RASGRF2: variants seen among roughly 807,000 people sequenced by gnomAD.
RASGRF2 encodes the protein ras-specific guanine nucleotide-releasing factor 2.
RASGRF2 carries 76 observed loss-of-function variants against 151.0 expected under a neutral mutation model. That is an observed-to-expected ratio of 0.50 (90% CI 0.42 to 0.61). The LOEUF (loss-of-function observed/expected upper bound fraction) is 0.61. RASGRF2 is among the 20% of genes least tolerant of loss of function. RASGRF2 has a pLI of 0.00. For synonymous variants in RASGRF2, 504 were observed against 566.5 expected, an observed-to-expected ratio of 0.89 and a Z score of 1.57; for missense variants, 1,148 against 1,564.6, an observed-to-expected ratio of 0.73 and a Z score of 4.49.
Position 81,212,349 on chromosome 5 carries a change from CT to C in RASGRF2, c.3157-12del, listed in dbSNP as rs1344134733. 3 of 1,572,226 alleles carry C rather than the reference CT, an allele frequency of 1.9e-6. No homozygotes were observed. The highest frequency in any genetic ancestry group is 2.6e-6 in the Non-Finnish European group (3 of 1,154,150). On this transcript the variant is annotated splice_polypyrimidine_tract_variant and intron_variant, in intron 22 of 26. Coordinates refer to ENST00000265080, the MANE Select transcript of RASGRF2 (RefSeq NM_006909.3). Reference sequence around the variant, plus strand: ...GGGGCTCTTAGACTGCCTTTCGGGGCTTTTTGATTGTCTCAGATGAGTAACC... The same window carrying C: ...GGGGCTCTTAGACTGCCTTTCGGGGCTTTTGATTGTCTCAGATGAGTAACC...
At chr5:81,067,892 G>A in intron 2 of RASGRF2, 140 bp from the exon 3 acceptor site, 1 of 639,580 alleles carries the variant, frequency 1.6e-6, no homozygotes. Flanking sequence ...TAAGCTGAAA[G>A]TTAACATTTA....
At chr5:80,998,984 C>A (rs532082355) in intron 1 of RASGRF2, among the ~76,000 whole-genome samples, 1 of 152,266 alleles carries the variant, frequency 6.6e-6, no homozygotes, top group East Asian at 1.9e-4. Flanking sequence ...GTCCCTGGGG[C>A]TTAGAGGAGT....
intron 2 of RASGRF2, among the ~76,000 whole-genome samples, chr5:81,050,406 T>C (rs1750973278): frequency 6.6e-6 from 1 of 152,184 alleles, no homozygotes; most frequent in African/African-American, 2.4e-5. Context: ...CAGTCCTCCA[T>C]GTTGCTTTAA....
chr5:81,140,939 T>C (rs1561228228), intron 17 of RASGRF2, among the ~76,000 whole-genome samples: 1 of 151,974 alleles, frequency 6.6e-6, no homozygotes, highest in Non-Finnish European at 1.5e-5. Context: ...CCCCTGCAGA[T>C]TGTTGCCATG....
At chr5:81,098,618 T>G (rs925188512) in intron 12 of RASGRF2, among the ~76,000 whole-genome samples, 1 of 152,192 alleles carries the variant, frequency 6.6e-6, no homozygotes, top group Non-Finnish European at 1.5e-5. Flanking sequence ...TGGTCACATG[T>G]CAACTGCTGC....
chr5:81,023,801 T>A (rs1215627430), intron 1 of RASGRF2, among the ~76,000 whole-genome samples: 1 of 152,200 alleles, frequency 6.6e-6, no homozygotes, highest in Non-Finnish European at 1.5e-5. Context: ...ATTAAGTGTT[T>A]CCTCTCCCCA....
At chr5:81,054,861 C>T (rs1009281272) in intron 2 of RASGRF2, among the ~76,000 whole-genome samples, 3 of 150,432 alleles carry the variant, frequency 2.0e-5, no homozygotes, top group Admixed American at 6.6e-5. Flanking sequence ...AAGTTGGATT[C>T]CTAGGTATTT....
chr5:81,186,659 A>G (rs1755033159), intron 18 of RASGRF2, among the ~76,000 whole-genome samples: 1 of 152,204 alleles, frequency 6.6e-6, no homozygotes, highest in African/African-American at 2.4e-5. Flanking sequence ...ACAAATAAAT[A>G]TAGTCTGAGG....
chr5:81,039,819 G>A (rs945362179), intron 1 of RASGRF2, among the ~76,000 whole-genome samples: 3 of 151,920 alleles, frequency 2.0e-5, no homozygotes, highest in Admixed American at 1.3e-4. Flanking sequence ...ATGTCTTTAT[G>A]CATTGCTTAC....
chr5:81,145,108 G>A (rs990366752), intron 17 of RASGRF2, among the ~76,000 whole-genome samples: 1 of 152,044 alleles, frequency 6.6e-6, no homozygotes, highest in Non-Finnish European at 1.5e-5. Context: ...TGGGTGTGGT[G>A]GCATACATCT....
At chr5:81,010,153 CAAA>C (rs10942939) in intron 1 of RASGRF2, among the ~76,000 whole-genome samples, 2 of 130,600 alleles carry the variant, frequency 1.5e-5, no homozygotes, top group African/African-American at 2.8e-5. Context: ...GATTTCATCT[CAAA>C]AAAAAAAAAA....
chr5:81,161,791 C>G (rs10073862), intron 17 of RASGRF2, among the ~76,000 whole-genome samples: 34,773 of 151,968 alleles, frequency 0.23, 3,997 homozygotes, highest in East Asian at 0.36. Flanking sequence ...TGTTAAAATC[C>G]TCATAATGAA....
chr5:81,084,082 AG>A lies in RASGRF2; in HGVS notation c.1162-1717del, dbSNP rs1311713332. 5.3e-5 allele frequency among the ~76,000 whole-genome samples: 8 copies of A among 152,334 alleles called. No homozygotes were observed. The East Asian group carries it at 1.3e-3, about 26-fold the overall frequency. The stretch of plus-strand genomic sequence containing the variant: ...TTTGTTCCTTCACCATAAGGCAGAA[AG>A]GGCCAGAGACTGAATTCAAATCCAT... On this transcript the variant is annotated intron_variant, in intron 7 of 26. Coordinates refer to ENST00000265080, the MANE Select transcript of RASGRF2 (RefSeq NM_006909.3).
intron 2 of RASGRF2, among the ~76,000 whole-genome samples, chr5:81,052,412 T>G (rs1751041122): frequency 6.6e-6 from 1 of 152,204 alleles, no homozygotes; most frequent in Admixed American, 6.5e-5. Context: ...GTGAAATGTT[T>G]AAGTAACGAA....
intron 1 of RASGRF2, among the ~76,000 whole-genome samples, chr5:81,031,953 A>T: frequency 6.6e-6 from 1 of 152,198 alleles, no homozygotes; most frequent in Non-Finnish European, 1.5e-5. Context: ...CACAATAAAA[A>T]ATGATAAAGG....
At position 81,229,686 on chromosome 5, in the gene RASGRF2, A is replaced by T. The variant is rs1224264117; in HGVS notation, c.*3916A>T. On this transcript the variant is annotated 3_prime_UTR_variant, in exon 27 of 27. Coordinates refer to ENST00000265080, the MANE Select transcript of RASGRF2 (RefSeq NM_006909.3). Reference sequence around the variant, plus strand: ...TTTTACACAGCTCATTTCATTTTTCACTAGAAAGCCAGTTATGAAAGAGAG... The same window carrying T: ...TTTTACACAGCTCATTTCATTTTTCTCTAGAAAGCCAGTTATGAAAGAGAG... The T allele has an allele frequency of 1.3e-5, 2 of 152,228 alleles. No homozygotes were observed. Among genetic ancestry groups the T allele is most frequent in the Admixed American group, 6.5e-5 (1 of 15,284 alleles). The allele number at this position is 152,228 out of a possible 1,614,324, so 9.4% of individuals were successfully genotyped here. A position where few individuals can be genotyped will look rare whatever the true frequency, so the allele number is the denominator to read the frequency against.
At chr5:81,215,076 A>G (rs990475665) in intron 23 of RASGRF2, among the ~76,000 whole-genome samples, 10 of 152,130 alleles carry the variant, frequency 6.6e-5, no homozygotes, top group African/African-American at 2.4e-4. Flanking sequence ...GCAGTGACTC[A>G]TGCTGTAATC....
intron 18 of RASGRF2, among the ~76,000 whole-genome samples, chr5:81,198,395 C>T (rs1755314899): frequency 6.6e-6 from 1 of 152,062 alleles, no homozygotes; most frequent in Non-Finnish European, 1.5e-5. Flanking sequence ...CATTAGTTTG[C>T]TTAGGATAAT....
At chr5:81,061,569 G>A (rs1467444009) in intron 2 of RASGRF2, among the ~76,000 whole-genome samples, 1 of 150,750 alleles carries the variant, frequency 6.6e-6, no homozygotes, top group Non-Finnish European at 1.5e-5. Context: ...GTGTGGTGGT[G>A]CAATCATAGC....
Sources: gnomAD v4.1 joint callset for allele counts (sites outside exome capture counted in the v4.1 genomes callset) on GRCh38, gnomAD v4.1.1 for gene constraint, MANE v1.5 for transcripts, NCBI Gene and HGNC (gene_info 2026-07-23, HGNC 2026-07-21) for gene names.